The following HNRNPM variants were observed in gnomAD, a reference collection of about 807,000 sequenced individuals.
The protein encoded by HNRNPM is CEA receptor.
HNRNPM carries 11 observed loss-of-function variants against 73.1 expected under a neutral mutation model. That is an observed-to-expected ratio of 0.15 (90% CI 0.09 to 0.25). The LOEUF (loss-of-function observed/expected upper bound fraction) is 0.25, where lower values mean the gene tolerates loss of function less well. HNRNPM is among the 10% of genes least tolerant of loss of function. The pLI is 1.00. For synonymous variants in HNRNPM, 407 were observed against 355.2 expected (o/e 1.15, Z -1.64); for missense variants, 789 against 1,067.9 (o/e 0.74, Z 3.64).
chr19:8,487,413 G>A (rs2145769326), intron 15 of HNRNPM: 1 of 305,986 alleles, frequency 3.3e-6, no homozygotes, highest in Non-Finnish European at 6.4e-6. Context: ...CATCCCAGAC[G>A]AGGTCGCTTT....
At chr19:8,473,790 C>T in intron 11 of HNRNPM, 82 bp downstream of exon 11, 1 of 900,822 alleles carries the variant, frequency 1.1e-6, no homozygotes, top group Non-Finnish European at 1.8e-6. Context: ...CTTGTTTAAA[C>T]CCTGCATGAA....
intron 13 of HNRNPM, among the ~76,000 whole-genome samples, chr19:8,485,381 T>A (rs756115444): frequency 6.6e-6 from 1 of 152,198 alleles, no homozygotes; most frequent in Non-Finnish European, 1.5e-5. Context: ...AGTTGTGTTA[T>A]GGAAATCTCA....
chr19:8,451,025 G>A (rs889939162), intron 1 of HNRNPM, among the ~76,000 whole-genome samples: 3 of 152,126 alleles, frequency 2.0e-5, no homozygotes, highest in Non-Finnish European at 4.4e-5. Context: ...TCCTGCCTCA[G>A]CCTCCCGAGT....
intron 2 of HNRNPM, among the ~76,000 whole-genome samples, chr19:8,459,671 C>T (rs1366112488): frequency 6.6e-6 from 1 of 152,050 alleles, no homozygotes; most frequent in African/African-American, 2.4e-5. Flanking sequence ...CAGACTTGAG[C>T]AGTAAATGGG....
chr19:8,450,593 T>G (rs11259984), intron 1 of HNRNPM, among the ~76,000 whole-genome samples: 132,536 of 152,038 alleles, frequency 0.87, 59,906 homozygotes, highest in South Asian at 0.99. Context: ...GTAGAGATGG[T>G]GTTATACCAT....
chr19:8,447,575 G>A (rs1297509193), intron 1 of HNRNPM, among the ~76,000 whole-genome samples: 1 of 152,066 alleles, frequency 6.6e-6, no homozygotes, highest in Non-Finnish European at 1.5e-5. Context: ...AGAGATTTGA[G>A]TGTATGCTTT....
intron 10 of HNRNPM, 122 bp downstream of exon 10, chr19:8,471,549 T>A (rs544757624): frequency 2.1e-6 from 1 of 471,858 alleles, no homozygotes; most frequent in African/African-American, 2.0e-5. Flanking sequence ...AATTCCCTCC[T>A]TATTCATCTC....
intron 8 of HNRNPM, among the ~76,000 whole-genome samples, chr19:8,467,950 G>A (rs560224463): frequency 2.0e-5 from 3 of 152,166 alleles, no homozygotes; most frequent in Non-Finnish European, 4.4e-5. Flanking sequence ...TCACTTGAAC[G>A]TGGGAGGCAG....
intron 5 of HNRNPM, 70 bp from the exon 6 acceptor site, chr19:8,465,254 A>T: frequency 8.3e-7 from 1 of 1,208,622 alleles, no homozygotes; most frequent in Non-Finnish European, 1.1e-6. Flanking sequence ...TGAGAATATC[A>T]TTTACTGTGC....
intron 10 of HNRNPM, 36 bp from the exon 11 acceptor site, chr19:8,473,628 C>G (rs777249768): frequency 6.6e-6 from 9 of 1,360,114 alleles, no homozygotes; most frequent in Non-Finnish European, 8.4e-6. Context: ...ACTGCTTTGA[C>G]ATAATTTTAG....
chr19:8,481,537 C>CT (rs1279406120), intron 12 of HNRNPM: 1 of 152,244 alleles, frequency 6.6e-6, no homozygotes, highest in Non-Finnish European at 1.5e-5. Context: ...TGGTTGAAAG[C>CT]TTTTGCAGCT....
At chr19:8,483,476 G>A (rs1307363185) in intron 13 of HNRNPM, among the ~76,000 whole-genome samples, 7 of 152,246 alleles carry the variant, frequency 4.6e-5, no homozygotes, top group Admixed American at 6.5e-5. Flanking sequence ...GCTTCCGCAC[G>A]TGCTGTGCAC....
chr19:8,482,917 T>C, intron 12 of HNRNPM: 2 of 484,304 alleles, frequency 4.1e-6, no homozygotes, highest in Non-Finnish European at 7.3e-6. Flanking sequence ...CATTCGCAGG[T>C]GACCCCGCAC....
chr19:8,476,877 C>A (rs1193029084), intron 12 of HNRNPM, among the ~76,000 whole-genome samples: 1 of 150,054 alleles, frequency 6.7e-6, no homozygotes, highest in Non-Finnish European at 1.5e-5. Context: ...CGCCGTCCCC[C>A]CCACCCTCCC....
intron 1 of HNRNPM, among the ~76,000 whole-genome samples, chr19:8,450,527 A>C (rs1289076957): frequency 6.6e-6 from 1 of 151,798 alleles, no homozygotes; most frequent in Non-Finnish European, 1.5e-5. Context: ...CTTCCACCTC[A>C]GCCTTCTGAG....
At chr19:8,467,848 A>G (rs1207830779) in intron 8 of HNRNPM, among the ~76,000 whole-genome samples, 1 of 152,048 alleles carries the variant, frequency 6.6e-6, no homozygotes, top group Non-Finnish European at 1.5e-5. Context: ...AACGTGGTGG[A>G]ACTCCTCCGT....
chr19:8,445,869 T>C (rs937882052), intron 1 of HNRNPM, among the ~76,000 whole-genome samples: 3 of 152,246 alleles, frequency 2.0e-5, no homozygotes, highest in African/African-American at 7.2e-5. Flanking sequence ...AATCCCCTTT[T>C]TCCCGTGTTT....
At chr19:8,476,566 TAAA>T (rs746842195) in intron 12 of HNRNPM, among the ~76,000 whole-genome samples, 2 of 38,996 alleles carry the variant, frequency 5.1e-5, no homozygotes, top group South Asian at 1.9e-3. Context: ...AGATTAATGT[TAAA>T]AAAAAAAAAA....
chr19:8,463,383 T>A (rs1969520420), intron 3 of HNRNPM, 114 bp from the exon 4 acceptor site: 2 of 1,206,366 alleles, frequency 1.7e-6, no homozygotes, highest in Non-Finnish European at 1.2e-6. Flanking sequence ...AGACTAACTT[T>A]GTGACATAAA....
Sources: gnomAD v4.1 joint callset for allele counts (sites outside exome capture counted in the v4.1 genomes callset) on GRCh38, gnomAD v4.1.1 for gene constraint, MANE v1.5 for transcripts, NCBI Gene and HGNC (gene_info 2026-07-23, HGNC 2026-07-21) for gene names.